The following COBLL1 variants were observed in gnomAD, a reference collection of about 807,000 sequenced individuals.
COBLL1 encodes the protein cordon-bleu protein-like 1.
In COBLL1, 50 loss-of-function variants were observed where a neutral mutation model predicts 94.8. The observed-to-expected ratio is 0.53, with a 90% confidence interval of 0.42 to 0.67. The LOEUF (loss-of-function observed/expected upper bound fraction) is 0.67. COBLL1 is among the 30% of genes least tolerant of loss of function. The pLI, the probability that COBLL1 is intolerant of heterozygous loss-of-function variation, is 0.00. For missense variants in COBLL1, 1,362 were observed against 1,348.7 expected (o/e 1.01, Z -0.15); for synonymous variants, 448 against 473.8 (o/e 0.95, Z 0.71).
At chr2:164,672,705 C>CAAAAA (rs1187183800) in intron 1 of COBLL1, among the ~76,000 whole-genome samples, 692 of 64,894 alleles carry the variant, frequency 0.011, 13 homozygotes, top group East Asian at 0.026. Flanking sequence ...GACTCCGTCT[C>CAAAAA]AAAAAAAAAA....
chr2:164,807,617 A>C (rs1684242696), intron 2 of COBLL1, among the ~76,000 whole-genome samples: 1 of 152,124 alleles, frequency 6.6e-6, no homozygotes, highest in South Asian at 2.1e-4. Flanking sequence ...AATACAGTAC[A>C]GATACTTATT....
At chr2:164,789,907 C>A (rs947169912) in intron 2 of COBLL1, among the ~76,000 whole-genome samples, 2 of 152,146 alleles carry the variant, frequency 1.3e-5, no homozygotes, top group African/African-American at 4.8e-5. Context: ...ATTACGAACA[C>A]GTGAATACTT....
At chr2:164,811,644 G>A (rs1462907285) in intron 2 of COBLL1, among the ~76,000 whole-genome samples, 3 of 151,754 alleles carry the variant, frequency 2.0e-5, no homozygotes, top group Admixed American at 6.6e-5. Flanking sequence ...TTCCAGAAAA[G>A]TCAAAGTACA....
chr2:164,766,312 C>T (rs905602442), intron 2 of COBLL1, among the ~76,000 whole-genome samples: 1 of 152,092 alleles, frequency 6.6e-6, no homozygotes, highest in Admixed American at 6.6e-5. Context: ...GTTCCCTGTC[C>T]CCGTTCCAAT....
At chr2:164,689,643 T>C (rs569854667) in intron 13 of COBLL1, among the ~76,000 whole-genome samples, 88 of 152,176 alleles carry the variant, frequency 5.8e-4, no homozygotes, top group Non-Finnish European at 1.1e-3. Context: ...GCACCACTCA[T>C]GTCAAGAGAA....
At chr2:164,692,731 T>C (rs1683683640) in intron 12 of COBLL1, 1 of 166,130 alleles carries the variant, frequency 6.0e-6, no homozygotes, top group African/African-American at 2.4e-5. Flanking sequence ...CAAATTAAGA[T>C]TTTAAAAAAT....
Position 164,841,097 on chromosome 2 carries a change from C to A in COBLL1, c.41+59G>T. The A allele has an allele frequency of 8.1e-7, 1 of 1,227,004 alleles. No individual in the cohort carries two copies. Among genetic ancestry groups the A allele is most frequent in the East Asian group, 3.2e-5 (1 of 31,492 alleles). The allele number at this position is 1,227,004 out of a possible 1,614,324, so 76.0% of individuals were successfully genotyped here. On this transcript the variant is annotated intron_variant, in intron 2 of 13. Coordinates refer to ENST00000652658, the MANE Select transcript of COBLL1 (RefSeq NM_001365672.2). This position sits in a 1 kb window ranked among gnomAD's most constrained non-coding sequence, Gnocchi z 5.5. ...CAGCCAGGTGAAACGGCCGAGGCCT[C>A]GCTGTCCTCGCCGGCCTCGCCCTCC...
intron 2 of COBLL1, among the ~76,000 whole-genome samples, chr2:164,812,366 T>C (rs1684500956): frequency 6.6e-6 from 1 of 152,006 alleles, no homozygotes; most frequent in Non-Finnish European, 1.5e-5. Context: ...CATAGTGAAG[T>C]AAATAAGGCA....
At chr2:164,811,239 T>A (rs1684442766) in intron 2 of COBLL1, among the ~76,000 whole-genome samples, 1 of 151,920 alleles carries the variant, frequency 6.6e-6, no homozygotes, top group Non-Finnish European at 1.5e-5. Flanking sequence ...TAATTTAAAA[T>A]CTTTCAGTAT....
intron 2 of COBLL1, among the ~76,000 whole-genome samples, chr2:164,805,694 TG>T (rs2105329818): frequency 6.6e-6 from 1 of 152,232 alleles, no homozygotes; most frequent in African/African-American, 2.4e-5. Flanking sequence ...AATATTTCAT[TG>T]TATGGGTATA....
chr2:164,785,541 T>C (rs1378374164), intron 2 of COBLL1, among the ~76,000 whole-genome samples: 3 of 152,146 alleles, frequency 2.0e-5, no homozygotes, highest in African/African-American at 7.2e-5. Flanking sequence ...AGGAAAACAA[T>C]AGGCAAAGCC....
intron 11 of COBLL1, chr2:164,696,071 T>C (rs1574424519): frequency 2.4e-6 from 1 of 416,486 alleles, no homozygotes; most frequent in Non-Finnish European, 4.2e-6. Flanking sequence ...ACATGTTAAT[T>C]AACCCCTTTG....
intron 2 of COBLL1, among the ~76,000 whole-genome samples, chr2:164,778,019 C>T (rs1464515892): frequency 6.6e-6 from 1 of 152,206 alleles, no homozygotes; most frequent in African/African-American, 2.4e-5. Context: ...GATCTCACCA[C>T]TGTTATCTGT....
At chr2:164,813,840 TGACTGGG>T (rs1684578594) in intron 2 of COBLL1, among the ~76,000 whole-genome samples, 1 of 152,130 alleles carries the variant, frequency 6.6e-6, no homozygotes, top group Non-Finnish European at 1.5e-5. Context: ...AAGAGGAAAA[TGACTGGG>T]AAATAAAATT....
At chr2:164,769,810 T>C (rs906778086) in intron 2 of COBLL1, among the ~76,000 whole-genome samples, 1 of 152,174 alleles carries the variant, frequency 6.6e-6, no homozygotes, top group Non-Finnish European at 1.5e-5. Flanking sequence ...AGCAAGCATT[T>C]ATTAAGCACC....
intron 2 of COBLL1, among the ~76,000 whole-genome samples, chr2:164,808,307 T>C (rs1166807703): frequency 2.6e-5 from 4 of 152,200 alleles, no homozygotes; most frequent in African/African-American, 4.8e-5. Flanking sequence ...TTTAATACTA[T>C]GTTTTTGCTG....
chr2:164,671,303 G>GT (rs1412010337), intron 1 of COBLL1, among the ~76,000 whole-genome samples: 2 of 151,704 alleles, frequency 1.3e-5, no homozygotes, highest in Non-Finnish European at 2.9e-5. Flanking sequence ...TTCCTTTTTT[G>GT]TTTTTTTGTC....
At chr2:164,826,868 T>C (rs900488379) in intron 2 of COBLL1, among the ~76,000 whole-genome samples, 1 of 150,286 alleles carries the variant, frequency 6.7e-6, no homozygotes, top group African/African-American at 2.5e-5. Context: ...TAAATGATCA[T>C]TTCTTTAAAG....
At chr2:164,706,046 T>A (rs1371935359) in intron 7 of COBLL1, among the ~76,000 whole-genome samples, 1 of 152,010 alleles carries the variant, frequency 6.6e-6, no homozygotes, top group African/African-American at 2.4e-5. Flanking sequence ...AAAAAATGAA[T>A]AAATAAACAA....
Sources: allele counts gnomAD v4.1 joint callset (sites outside exome capture counted in the v4.1 genomes callset), GRCh38; gene constraint gnomAD v4.1.1; non-coding constraint Gnocchi (gnomAD v3.1); transcripts MANE v1.5; gene names NCBI Gene and HGNC (gene_info 2026-07-23, HGNC 2026-07-21).